Variants in LRP1B observed in about 807,000 individuals in gnomAD.
LRP1B encodes LDL receptor related protein 1B, also known as low-density lipoprotein receptor-related protein 1B.
A neutral mutation model predicts 556.6 loss-of-function variants in LRP1B; 217 were observed. That is an observed-to-expected ratio of 0.39 (90% CI 0.35 to 0.44). LRP1B has a LOEUF of 0.44. LRP1B is among the 20% of genes least tolerant of loss of function. LRP1B has a pLI of 1.00. For synonymous variants in LRP1B, 2,047 were observed against 1,865.8 expected, an observed-to-expected ratio of 1.10 and a Z score of -2.50; for missense variants, 5,053 against 5,620.8, an observed-to-expected ratio of 0.90 and a Z score of 3.23.
chr2:140,307,278 T>C (rs549446030), intron 83 of LRP1B, among the ~76,000 whole-genome samples: 9 of 151,936 alleles, frequency 5.9e-5, no homozygotes, highest in African/African-American at 9.7e-5. Flanking sequence ...ACCTATTGTG[T>C]ACAGGTAAAA....
At chr2:140,251,940 T>C (rs1224562585) in intron 86 of LRP1B, among the ~76,000 whole-genome samples, 1 of 150,762 alleles carries the variant, frequency 6.6e-6, no homozygotes, top group Non-Finnish European at 1.5e-5. Context: ...AATTACACTC[T>C]TTTGGTGGTG....
chr2:141,139,706 G>T (rs377133733), intron 7 of LRP1B, among the ~76,000 whole-genome samples: 10 of 151,652 alleles, frequency 6.6e-5, no homozygotes, highest in East Asian at 3.9e-4. Flanking sequence ...CCAAGTGTTG[G>T]CAAAGATGTA....
intron 2 of LRP1B, among the ~76,000 whole-genome samples, chr2:141,654,521 G>T (rs568703540): frequency 9.9e-5 from 15 of 152,192 alleles, no homozygotes; most frequent in Admixed American, 8.5e-4. Context: ...GCAATCCTGA[G>T]AAATTCTCTC....
intron 2 of LRP1B, among the ~76,000 whole-genome samples, chr2:141,798,886 T>C (rs976980961): frequency 2.0e-5 from 3 of 152,014 alleles, no homozygotes; most frequent in East Asian, 3.9e-4. Flanking sequence ...TGAGGTTTTA[T>C]GGGTGGGCCC....
chr2:140,469,159 T>G (rs1410429286), intron 60 of LRP1B, among the ~76,000 whole-genome samples: 1 of 152,140 alleles, frequency 6.6e-6, no homozygotes, highest in African/African-American at 2.4e-5. Context: ...CTTCCAAAAT[T>G]CTTATATTGG....
At chr2:141,334,381 G>A (rs1573820871) in intron 3 of LRP1B, among the ~76,000 whole-genome samples, 1 of 152,214 alleles carries the variant, frequency 6.6e-6, no homozygotes, top group Non-Finnish European at 1.5e-5. Flanking sequence ...ATGTAAAGAC[G>A]TCCACTCCTG....
rs138747636 is a variant in LRP1B at position 141,898,544 on chromosome 2, A to T, written c.83-88143T>A. 4.6e-5 allele frequency among the ~76,000 whole-genome samples: 7 copies of T among 152,286 alleles called. No homozygotes were observed. In the East Asian group the frequency reaches 1.4e-3, roughly 30 times the overall value. The stretch of plus-strand genomic sequence containing the variant: ...GAAGATTAATTATACCAGGAATAAG[A>T]AAAGGAGAATGAAACCAATCCAAAT... On this transcript the variant is annotated intron_variant, in intron 1 of 90. Transcript: ENST00000389484.
intron 18 of LRP1B, among the ~76,000 whole-genome samples, chr2:140,959,428 T>C (rs1253865383): frequency 1.3e-5 from 2 of 151,590 alleles, no homozygotes; most frequent in African/African-American, 2.4e-5. Flanking sequence ...AGTCAAAGAA[T>C]AAACTCATAT....
chr2:140,999,291 A>G (rs906883048), intron 15 of LRP1B, among the ~76,000 whole-genome samples: 1 of 152,086 alleles, frequency 6.6e-6, no homozygotes, highest in African/African-American at 2.4e-5. Context: ...CAAATTCTCA[A>G]ATAAGCACTT....
intron 1 of LRP1B, among the ~76,000 whole-genome samples, chr2:142,001,714 T>C (rs1180610715): frequency 6.6e-6 from 1 of 152,180 alleles, no homozygotes; most frequent in Non-Finnish European, 1.5e-5. Context: ...TATGCATTGG[T>C]TTCCTATACT....
intron 59 of LRP1B, among the ~76,000 whole-genome samples, chr2:140,478,054 G>GA (rs1327854350): frequency 2.0e-5 from 3 of 149,016 alleles, no homozygotes; most frequent in African/African-American, 5.0e-5. Context: ...TTCTTTGGAA[G>GA]AAAAAACTTA....
chr2:141,487,720 A>C (rs1183701344), intron 2 of LRP1B, among the ~76,000 whole-genome samples: 5 of 152,168 alleles, frequency 3.3e-5, no homozygotes, highest in Admixed American at 3.3e-4. Flanking sequence ...CTAGACAGGA[A>C]ACCTCTTTTT....
At chr2:141,888,028 C>T (rs1040488248) in intron 1 of LRP1B, among the ~76,000 whole-genome samples, 2 of 152,140 alleles carry the variant, frequency 1.3e-5, no homozygotes, top group African/African-American at 2.4e-5. Context: ...TTATTAATAT[C>T]ATAAATTGCA....
chr2:141,498,528 A>G (rs1279970474), intron 2 of LRP1B, among the ~76,000 whole-genome samples: 1 of 151,912 alleles, frequency 6.6e-6, no homozygotes. Context: ...AACTTTTCGC[A>G]ATGGTACCCT....
At chr2:140,510,177 T>C in intron 51 of LRP1B, 121 bp from the exon 52 acceptor site, 1 of 956,752 alleles carries the variant, frequency 1.0e-6, no homozygotes, top group Non-Finnish European at 1.5e-6. Flanking sequence ...GAGGCGATTG[T>C]AGTTATTGGG....
chr2:140,607,522 G>A (rs1682911745), intron 41 of LRP1B, among the ~76,000 whole-genome samples: 1 of 152,004 alleles, frequency 6.6e-6, no homozygotes, highest in South Asian at 2.1e-4. Flanking sequence ...CAGCCCAGAT[G>A]TCAATCAGCT....
chr2:141,318,196 T>C (rs1055121832), intron 3 of LRP1B, among the ~76,000 whole-genome samples: 1 of 152,156 alleles, frequency 6.6e-6, no homozygotes, highest in Non-Finnish European at 1.5e-5. Context: ...TTAGTCACCA[T>C]ACCAGGTACT....
chr2:141,924,684 G>A (rs544183275), intron 1 of LRP1B, among the ~76,000 whole-genome samples: 2 of 152,166 alleles, frequency 1.3e-5, no homozygotes, highest in African/African-American at 4.8e-5. Flanking sequence ...TTGAGCAGTG[G>A]CAGCAAGCAA....
At chr2:140,596,127 T>C (rs1463680855) in intron 43 of LRP1B, among the ~76,000 whole-genome samples, 4 of 152,140 alleles carry the variant, frequency 2.6e-5, no homozygotes, top group African/African-American at 9.7e-5. Context: ...TGCTGTAACA[T>C]CTGTCTAAGG....
Sources: allele counts gnomAD v4.1 joint callset (sites outside exome capture counted in the v4.1 genomes callset), GRCh38; gene constraint gnomAD v4.1.1; transcripts MANE v1.5; gene names NCBI Gene and HGNC (gene_info 2026-07-23, HGNC 2026-07-21).